Variants in RSPO3 observed in about 807,000 individuals in gnomAD.
The protein encoded by RSPO3 is R-spondin-3.
A neutral mutation model predicts 36.5 loss-of-function variants in RSPO3; 17 were observed. That is an observed-to-expected ratio of 0.47 (90% CI 0.32 to 0.70). RSPO3 has a LOEUF of 0.70. Ranked by LOEUF, RSPO3 falls within the 30% of genes least tolerant of loss-of-function variation. The probability of loss-of-function intolerance (pLI) is 0.04; values close to 1 mark genes in which losing one functional copy is unlikely to be tolerated. For synonymous variants in RSPO3, 108 were observed against 107.0 expected (o/e 1.01, Z -0.06); for missense variants, 294 against 322.5 (o/e 0.91, Z 0.68).
chr6:127,140,278 TTC>T (rs1222230757), intron 1 of RSPO3, among the ~76,000 whole-genome samples: 1 of 152,200 alleles, frequency 6.6e-6, no homozygotes, highest in Non-Finnish European at 1.5e-5. Context: ...TTGCTTTTTA[TTC>T]TTTCTTTGTT....
At chr6:127,143,891 C>T (rs1048495866) in intron 1 of RSPO3, among the ~76,000 whole-genome samples, 3 of 152,048 alleles carry the variant, frequency 2.0e-5, no homozygotes, top group Admixed American at 6.6e-5. Flanking sequence ...GTATATTGAC[C>T]AAGTGTTTTG....
chr6:127,182,955 G>A (rs1418113443), intron 4 of RSPO3, among the ~76,000 whole-genome samples: 1 of 151,956 alleles, frequency 6.6e-6, no homozygotes, highest in Non-Finnish European at 1.5e-5. Context: ...GGAAGACAAG[G>A]TTATTTTGTC....
chr6:127,130,695 C>T (rs1247126646), intron 1 of RSPO3, among the ~76,000 whole-genome samples: 2 of 152,086 alleles, frequency 1.3e-5, no homozygotes, highest in African/African-American at 4.8e-5. Flanking sequence ...GCTGTGTTTA[C>T]TTGTACCACT....
chr6:127,150,531 G>A lies in RSPO3; in HGVS notation c.395G>A (p.Gly132Glu). Residue 132 changes from glycine to glutamate, a missense_variant, in exon 3 of 5, where the codon GGG (glycine) becomes GAG (glutamate). Gly to Glu is a moderately conservative substitution (Grantham distance 98). This residue lies in a region of RSPO3 where 190 missense variants were observed against 185.2 expected (regional missense o/e 1.03). Coordinates refer to ENST00000356698, the MANE Select transcript of RSPO3 (RefSeq NM_032784.5). ...AAGTGCCTTGACAATTGCCCAGAAG[G>A]GTTGGAAGCCAACAACCATACTATG... Reference protein sequence around the residue: ...LGKCLDNCPEGLEANNHTMEC... With the variant: ...LGKCLDNCPEELEANNHTMEC... 2 of 1,611,828 alleles carry A rather than the reference G, an allele frequency of 1.2e-6. No homozygotes were observed. Among genetic ancestry groups the A allele is most frequent in the Non-Finnish European group, 1.7e-6 (2 of 1,178,820 alleles).
rs778579848 is a variant in RSPO3, at chr6:127,197,570, G to A, written c.*1563G>A. On this transcript the variant is annotated 3_prime_UTR_variant, in exon 5 of 5. Transcript: ENST00000356698. ...TTCCTGTTGTCATGGAAGGATGCAC[G>A]GCTGCTCTGTCCACTGTGATTCCTA... 13 of 1,543,772 alleles carry A rather than the reference G, an allele frequency of 8.4e-6. No individual in the cohort carries two copies. Among genetic ancestry groups the A allele is most frequent in the Admixed American group, 7.9e-5 (4 of 50,712 alleles).
intron 3 of RSPO3, among the ~76,000 whole-genome samples, chr6:127,151,781 T>C (rs902510670): frequency 1.3e-5 from 2 of 151,896 alleles, no homozygotes; most frequent in Non-Finnish European, 2.9e-5. Context: ...TAAAAACACA[T>C]GGAAAAAAAA....
At chr6:127,157,932 G>A (rs933102177) in intron 4 of RSPO3, among the ~76,000 whole-genome samples, 2 of 151,320 alleles carry the variant, frequency 1.3e-5, no homozygotes, top group South Asian at 4.2e-4. Flanking sequence ...AGTGACCTCT[G>A]GACATCCCAC....
intron 1 of RSPO3, 65 bp from the exon 2 acceptor site, chr6:127,148,583 A>C: frequency 2.2e-6 from 3 of 1,380,600 alleles, no homozygotes; most frequent in Non-Finnish European, 3.0e-6. Context: ...TATCCTGCCC[A>C]GAAAATGTCA....
chr6:127,187,240 C>T (rs1022715659), intron 4 of RSPO3, among the ~76,000 whole-genome samples: 1 of 152,044 alleles, frequency 6.6e-6, no homozygotes, highest in Non-Finnish European at 1.5e-5. Context: ...GGATAGAACA[C>T]GACAATGTTG....
intron 4 of RSPO3, among the ~76,000 whole-genome samples, chr6:127,193,622 T>C (rs1775458216): frequency 6.6e-6 from 1 of 152,218 alleles, no homozygotes; most frequent in South Asian, 2.1e-4. Flanking sequence ...CATCTCCTTG[T>C]GAAAACTAAG....
At chr6:127,191,655 G>A (rs1009040496) in intron 4 of RSPO3, among the ~76,000 whole-genome samples, 2 of 151,996 alleles carry the variant, frequency 1.3e-5, no homozygotes, top group Non-Finnish European at 2.9e-5. Flanking sequence ...AAAAATTAAG[G>A]CTCAAAAATA....
rs1775534594 is a variant in RSPO3, at chr6:127,197,322, TTCATTGCTTAGAAATGGGCA to T, written c.*1321_*1340del. On this transcript the variant is annotated 3_prime_UTR_variant, in exon 5 of 5. Transcript: ENST00000356698. ...CCCTAGCTGATTTCACTGCTCCCCC[TTCATTGCTTAGAAATGGGCA>T]TCATTTCTTGTATGTCAGATCCCCC... is the stretch of plus-strand genomic sequence containing the variant. The T allele has an allele frequency of 1.4e-6, 2 of 1,447,578 alleles. No homozygotes were observed. The highest frequency in any genetic ancestry group is 1.9e-6 in the Non-Finnish European group (2 of 1,077,162). 89.7% of individuals were successfully genotyped at this position (1,447,578 alleles called of 1,614,324 possible).
chr6:127,157,280 T>C (rs1451636286), intron 4 of RSPO3, among the ~76,000 whole-genome samples: 3 of 152,130 alleles, frequency 2.0e-5, no homozygotes, highest in Admixed American at 6.6e-5. Context: ...TTCACAAAGA[T>C]TGTACGTTAT....
chr6:127,119,256 C>A lies in RSPO3; in HGVS notation c.64C>A (p.Gln22Lys). The A allele has an allele frequency of 1.2e-6, 2 of 1,613,022 alleles. No individual in the cohort carries two copies. The highest frequency in any genetic ancestry group is 1.7e-6 in the Non-Finnish European group (2 of 1,179,482). Residue 22 changes from glutamine to lysine, a missense_variant, in exon 1 of 5, where the codon CAA (glutamine) becomes AAA (lysine). By Grantham distance (53) the Gln-to-Lys change is moderately conservative. This residue lies in a region of RSPO3 where 61 missense variants were observed against 51.3 expected (regional missense o/e 1.19). Transcript: ENST00000356698. ...GAACTTTATGGAATACATCGGCAGC[C>A]AAAACGCCTCCCGGGGAAGGCGCCA... ...ILNFMEYIGS[Q>K]NASRGRRQRR...
chr6:127,162,028 T>G (rs553527242), intron 4 of RSPO3, among the ~76,000 whole-genome samples: 3 of 152,216 alleles, frequency 2.0e-5, no homozygotes, highest in South Asian at 4.1e-4. Flanking sequence ...CTCTGTCACA[T>G]TGTTGGATGG....
At chr6:127,166,827 G>A (rs1366873067) in intron 4 of RSPO3, among the ~76,000 whole-genome samples, 2 of 151,820 alleles carry the variant, frequency 1.3e-5, no homozygotes, top group Non-Finnish European at 2.9e-5. Context: ...TTAAACTCTT[G>A]CCAATCTGAT....
At chr6:127,140,563 C>T (rs994008159) in intron 1 of RSPO3, among the ~76,000 whole-genome samples, 1 of 152,156 alleles carries the variant, frequency 6.6e-6, no homozygotes, top group Non-Finnish European at 1.5e-5. Context: ...AAAAAGAGAA[C>T]ATATCTTCAT....
chr6:127,139,919 G>A (rs1313837198), intron 1 of RSPO3, among the ~76,000 whole-genome samples: 1 of 151,674 alleles, frequency 6.6e-6, no homozygotes, highest in Admixed American at 6.6e-5. Context: ...CTTTACAAAG[G>A]ATTTTTCTAC....
chr6:127,160,232 A>G (rs1774683726), intron 4 of RSPO3, among the ~76,000 whole-genome samples: 1 of 152,196 alleles, frequency 6.6e-6, no homozygotes, highest in South Asian at 2.1e-4. Context: ...AACCAGACCT[A>G]CAGTATGTTT....
Sources: gnomAD v4.1 joint callset for allele counts (sites outside exome capture counted in the v4.1 genomes callset) on GRCh38, gnomAD v4.1.1 for gene constraint, gnomAD v4.1.1 regional missense constraint, MANE v1.5 for transcripts, NCBI Gene and HGNC (gene_info 2026-07-23, HGNC 2026-07-21) for gene names.